The following VTI1A variants were observed in gnomAD, a reference collection of about 807,000 sequenced individuals.
VTI1A encodes vesicle transport through interaction with t-SNAREs homolog 1A.
Under a neutral mutation model 34.9 loss-of-function variants are expected in VTI1A, and 22 were observed. The observed-to-expected ratio is 0.63, with a 90% CI of 0.45 to 0.90. The LOEUF is 0.90. Among genes scored for constraint, VTI1A ranks in the 40% least tolerant of loss-of-function variants. The pLI is 0.00. For synonymous variants in VTI1A, 87 were observed against 97.3 expected (o/e 0.89, Z 0.62); for missense variants, 268 against 275.6 (o/e 0.97, Z 0.20).
At chr10:112,794,066 C>T (rs1329178076) in intron 7 of VTI1A, among the ~76,000 whole-genome samples, 1 of 152,094 alleles carries the variant, frequency 6.6e-6, no homozygotes, top group East Asian at 1.9e-4. Flanking sequence ...CAAACAACCA[C>T]AAAGCTCAGA....
chr10:112,759,632 A>G (rs955798089), intron 7 of VTI1A, among the ~76,000 whole-genome samples: 1 of 152,180 alleles, frequency 6.6e-6, no homozygotes, highest in African/African-American at 2.4e-5. Flanking sequence ...GAATTCAGGG[A>G]ATCCTCCCAG....
intron 5 of VTI1A, among the ~76,000 whole-genome samples, chr10:112,664,044 G>C (rs1297734161): frequency 6.6e-6 from 1 of 152,166 alleles, no homozygotes; most frequent in African/African-American, 2.4e-5. Context: ...TCAAGTACCA[G>C]AAGATAACCT....
chr10:112,715,424 G>A (rs1389712701), intron 7 of VTI1A, among the ~76,000 whole-genome samples: 3 of 152,114 alleles, frequency 2.0e-5, no homozygotes, highest in African/African-American at 7.2e-5. Context: ...GGTTTGTGGA[G>A]TCCTCTTTGT....
intron 7 of VTI1A, among the ~76,000 whole-genome samples, chr10:112,745,809 C>T (rs1181086330): frequency 6.6e-6 from 1 of 152,100 alleles, no homozygotes; most frequent in African/African-American, 2.4e-5. Flanking sequence ...GGAAGGAGCC[C>T]AAACAAGTGA....
intron 7 of VTI1A, among the ~76,000 whole-genome samples, chr10:112,691,272 A>AATAT (rs946155457): frequency 6.9e-6 from 1 of 145,116 alleles, no homozygotes; most frequent in Non-Finnish European, 1.5e-5. Flanking sequence ...AAAATAAATA[A>AATAT]ATAAATAAAT....
intron 5 of VTI1A, among the ~76,000 whole-genome samples, chr10:112,606,029 CT>C (rs67139785): frequency 3.1e-4 from 43 of 139,114 alleles, no homozygotes; most frequent in Non-Finnish European, 3.6e-4. Flanking sequence ...TTCTTTTTTT[CT>C]TTTTTTTTTT....
At chr10:112,660,982 C>T (rs1847424672) in intron 5 of VTI1A, among the ~76,000 whole-genome samples, 3 of 151,962 alleles carry the variant, frequency 2.0e-5, no homozygotes, top group African/African-American at 7.3e-5. Flanking sequence ...TTTTTATTTA[C>T]TTATTTATTT....
chr10:112,483,988 G>A (rs1331905341), intron 3 of VTI1A, among the ~76,000 whole-genome samples: 2 of 152,174 alleles, frequency 1.3e-5, no homozygotes, highest in African/African-American at 2.4e-5. Context: ...ATCATGCTCC[G>A]TTATAGCATT....
chr10:112,570,152 A>T (rs917851387), intron 5 of VTI1A, among the ~76,000 whole-genome samples: 1 of 152,224 alleles, frequency 6.6e-6, no homozygotes, highest in Non-Finnish European at 1.5e-5. Context: ...CAGGAACACC[A>T]TCATATTAAA....
At chr10:112,650,048 T>G (rs2133798670) in intron 5 of VTI1A, among the ~76,000 whole-genome samples, 1 of 152,314 alleles carries the variant, frequency 6.6e-6, no homozygotes, top group African/African-American at 2.4e-5. Flanking sequence ...TTTTAAAATG[T>G]TTTTCTTTCT....
At position 112,642,901 on chromosome 10, in the gene VTI1A, T is replaced by A. The variant is rs117946568; in HGVS notation, c.428-25317T>A. Among the ~76,000 whole-genome samples, 184 of 152,112 alleles carry A rather than the reference T, an allele frequency of 1.2e-3. 2 individuals are homozygous for A. The East Asian group carries it at 0.022, about 18-fold the overall frequency. ...TTGATCATGAAAAACTTTTGGACAT[T>A]GGTGACACTAGAACTGTATTTAAAT... On this transcript the variant is annotated intron_variant, in intron 5 of 7. Transcript: ENST00000393077.
At chr10:112,618,494 TA>T (rs1444001776) in intron 5 of VTI1A, among the ~76,000 whole-genome samples, 2 of 61,568 alleles carry the variant, frequency 3.2e-5, no homozygotes, top group Non-Finnish European at 5.1e-5. Flanking sequence ...TTATATTATA[TA>T]TATATATATA....
intron 7 of VTI1A, among the ~76,000 whole-genome samples, chr10:112,743,571 G>A (rs1332015743): frequency 2.0e-5 from 3 of 152,092 alleles, no homozygotes; most frequent in South Asian, 2.1e-4. Context: ...GCTGGCCAGC[G>A]CCCTTTAGAC....
chr10:112,472,165 C>G (rs539027249), intron 3 of VTI1A, among the ~76,000 whole-genome samples: 2 of 152,286 alleles, frequency 1.3e-5, no homozygotes, highest in East Asian at 1.9e-4. Context: ...ATGATTAGAT[C>G]GTAATGAATG....
rs181905603 is a variant in VTI1A, at chr10:112,489,878, T to A, written c.264+25221T>A. On this transcript the variant is annotated intron_variant, in intron 3 of 7. Transcript: ENST00000393077. ...ATTTGCCTGAACTTTGCCTTTTTAA[T>A]CCCATTTTGATCAAATTCCTCACAA... is the stretch of plus-strand genomic sequence containing the variant. Among the ~76,000 whole-genome samples the A allele has an allele frequency of 1.0e-3, 154 of 152,288 alleles. 1 individual carries two copies. The highest frequency in any genetic ancestry group is 6.6e-3 in the South Asian group (32 of 4,824).
intron 5 of VTI1A, among the ~76,000 whole-genome samples, chr10:112,617,677 A>T (rs1187975428): frequency 7.2e-5 from 11 of 152,046 alleles, no homozygotes; most frequent in Non-Finnish European, 1.3e-4. Context: ...TAAACTTTGG[A>T]CTTTGTTGCA....
intron 3 of VTI1A, among the ~76,000 whole-genome samples, chr10:112,481,705 G>A (rs1016978700): frequency 1.3e-5 from 2 of 152,204 alleles, no homozygotes; most frequent in Non-Finnish European, 2.9e-5. Context: ...AAGTAAGGAT[G>A]TGATGGATAA....
chr10:112,744,749 A>G (rs1270716660), intron 7 of VTI1A, among the ~76,000 whole-genome samples: 1 of 152,046 alleles, frequency 6.6e-6, no homozygotes, highest in Non-Finnish European at 1.5e-5. Context: ...CTGGCCTACT[A>G]TTGCACTTTC....
At chr10:112,748,452 GT>G (rs1279001135) in intron 7 of VTI1A, among the ~76,000 whole-genome samples, 1 of 152,070 alleles carries the variant, frequency 6.6e-6, no homozygotes, top group Non-Finnish European at 1.5e-5. Flanking sequence ...AGCCAGTCAA[GT>G]TTTCTCCAGA....
Sources: gnomAD v4.1 joint callset for allele counts (sites outside exome capture counted in the v4.1 genomes callset) on GRCh38, gnomAD v4.1.1 for gene constraint, MANE v1.5 for transcripts, NCBI Gene and HGNC (gene_info 2026-07-23, HGNC 2026-07-21) for gene names.